Variants in RAPGEF2 observed in about 807,000 individuals in gnomAD.
The protein encoded by RAPGEF2 is Rap guanine nucleotide exchange factor 2, also known as PDZ domain containing guanine nucleotide exchange factor (GEF) 1.
In RAPGEF2, 54 loss-of-function variants were observed where a neutral mutation model predicts 186.7. The observed-to-expected ratio is 0.29, with a 90% CI of 0.23 to 0.36. The LOEUF (loss-of-function observed/expected upper bound fraction) is 0.36. Ranked by LOEUF, RAPGEF2 falls within the 10% of genes least tolerant of loss-of-function variation. The pLI is 1.00. For synonymous variants in RAPGEF2, 712 were observed against 705.9 expected (o/e 1.01, Z -0.14); for missense variants, 1,532 against 2,045.0 (o/e 0.75, Z 4.84).
intron 3 of RAPGEF2, among the ~76,000 whole-genome samples, chr4:159,199,233 G>A (rs982543859): frequency 2.6e-5 from 4 of 152,080 alleles, no homozygotes; most frequent in Admixed American, 6.6e-5. Flanking sequence ...AGATACTTAC[G>A]AAGGACTGTT....
intron 1 of RAPGEF2, among the ~76,000 whole-genome samples, chr4:159,106,827 A>T (rs557541501): frequency 1.4e-4 from 22 of 152,278 alleles, no homozygotes; most frequent in African/African-American, 5.1e-4. Context: ...TCCTGATGTC[A>T]TTGGTGTAAC....
chr4:159,121,888 T>A (rs1171387219), intron 1 of RAPGEF2, among the ~76,000 whole-genome samples: 1 of 140,046 alleles, frequency 7.1e-6, no homozygotes, highest in Non-Finnish European at 1.6e-5. Flanking sequence ...AAAAAAAAAA[T>A]TAGCCGGGCA....
intron 1 of RAPGEF2, among the ~76,000 whole-genome samples, chr4:159,176,728 G>A (rs1157577843): frequency 6.6e-6 from 1 of 152,192 alleles, no homozygotes; most frequent in Non-Finnish European, 1.5e-5. Flanking sequence ...AATGTGACCT[G>A]AAACTTGTGG....
At chr4:159,141,467 C>CA (rs1742324464) in intron 1 of RAPGEF2, among the ~76,000 whole-genome samples, 1 of 152,110 alleles carries the variant, frequency 6.6e-6, no homozygotes, top group Admixed American at 6.6e-5. Context: ...TGTCCCCTTA[C>CA]ACATAGTGCT....
chr4:159,166,324 T>C (rs1300258949), intron 1 of RAPGEF2, among the ~76,000 whole-genome samples: 1 of 151,092 alleles, frequency 6.6e-6, no homozygotes, highest in Non-Finnish European at 1.5e-5. Context: ...AAAAAAAAAA[T>C]GTAAGGAAAA....
Position 159,197,099 on chromosome 4 carries a change from C to T in RAPGEF2, c.197+3843C>T, listed in dbSNP as rs371988708. Among the ~76,000 whole-genome samples the T allele has an allele frequency of 7.9e-5, 12 of 152,286 alleles. No individual in the cohort carries two copies. The East Asian group carries it at 2.3e-3, about 29-fold the overall frequency. ...TGAGGCGGATAATATGAATTCCTCACCAGAGGGACCTTAACTTATATTTGT... is the reference window on the plus strand; with the variant it reads ...TGAGGCGGATAATATGAATTCCTCATCAGAGGGACCTTAACTTATATTTGT... On this transcript the variant is annotated intron_variant, in intron 3 of 29. Transcript: ENST00000691494.
chr4:159,356,068 C>G lies in RAPGEF2; in HGVS notation c.4867C>G (p.Pro1623Ala). The change falls in exon 29 of 30, where the codon CCT (proline) becomes GCT (alanine). Residue 1623 changes from proline to alanine, a missense_variant. Transcript: ENST00000691494. Reference sequence around the variant, plus strand: ...ACATGGGCATCCCACCAGCAGCAGGCCTGTGAACAAACCTCAGTGGCATAA... The same window carrying G: ...ACATGGGCATCCCACCAGCAGCAGGGCTGTGAACAAACCTCAGTGGCATAA... Reference protein sequence around the residue: ...QPHGHPTSSRPVNKPQWHKPN... With the variant: ...QPHGHPTSSRAVNKPQWHKPN... 5 of 1,614,174 alleles carry G rather than the reference C, an allele frequency of 3.1e-6. No homozygotes were observed. Among genetic ancestry groups the G allele is most frequent in the Non-Finnish European group, 4.2e-6 (5 of 1,180,032 alleles).
At position 159,359,869 on chromosome 4, in the gene RAPGEF2, A is replaced by C. The variant is rs1376993793; in HGVS notation, c.*1730A>C. ...ACCACAAGTTGCACAAATGTTATCT[A>C]AGCATTAAGTAATTGTAGAACATAG... On this transcript the variant is annotated 3_prime_UTR_variant, in exon 30 of 30. Coordinates refer to ENST00000691494, the MANE Select transcript of RAPGEF2 (RefSeq NM_001394067.2). 1.3e-5 allele frequency: 2 copies of C among 152,192 alleles called. No individual in the cohort carries two copies. The highest frequency in any genetic ancestry group is 2.9e-5 in the Non-Finnish European group (2 of 68,028). The allele number at this position is 152,192 out of a possible 1,614,324, so 9.4% of individuals were successfully genotyped here. A position where few individuals can be genotyped will look rare whatever the true frequency, so the allele number is the denominator to read the frequency against.
chr4:159,315,845 A>G (rs59423717), intron 9 of RAPGEF2, among the ~76,000 whole-genome samples: 1 of 152,172 alleles, frequency 6.6e-6, no homozygotes, highest in Non-Finnish European at 1.5e-5. Context: ...AGGATGGAAC[A>G]TGAAGACGGA....
intron 7 of RAPGEF2, chr4:159,268,302 G>A (rs1757682296): frequency 1.7e-6 from 2 of 1,178,846 alleles, no homozygotes; most frequent in Non-Finnish European, 2.5e-6. Context: ...TCTCTTCAGG[G>A]AAAACAGTTT....
rs1055322496 is a variant in RAPGEF2, at chr4:159,243,636, C to G, written c.526-138C>G. The stretch of plus-strand genomic sequence containing the variant: ...GCTAAATAACATGGGAAGCATTATA[C>G]ATATAGCTGATTCTATATGATCATT... On this transcript the variant is annotated intron_variant, in intron 6 of 29. Transcript: ENST00000691494. The G allele has an allele frequency of 2.1e-5, 11 of 513,322 alleles. No individual in the cohort carries two copies. The African/African-American group carries it at 2.2e-4, about 10-fold the overall frequency. The allele number at this position is 513,322 out of a possible 1,614,324, so 31.8% of individuals were successfully genotyped here. A position where few individuals can be genotyped will look rare whatever the true frequency, so the allele number is the denominator to read the frequency against.
intron 1 of RAPGEF2, among the ~76,000 whole-genome samples, chr4:159,160,083 C>T (rs1278051327): frequency 6.6e-6 from 1 of 152,178 alleles, no homozygotes; most frequent in Admixed American, 6.6e-5. Flanking sequence ...ATTATTTCAT[C>T]AAGAAGCTAT....
chr4:159,331,891 G>C (rs774965533), intron 15 of RAPGEF2, 35 bp from the exon 16 acceptor site: 30 of 1,581,874 alleles, frequency 1.9e-5, no homozygotes, highest in Middle Eastern at 3.4e-4. Flanking sequence ...TTTTTTTTCA[G>C]TCAATTTTGA....
At chr4:159,199,867 G>A (rs898114169) in intron 3 of RAPGEF2, among the ~76,000 whole-genome samples, 1 of 151,762 alleles carries the variant, frequency 6.6e-6, no homozygotes, top group East Asian at 1.9e-4. Context: ...CAGGTTTCTT[G>A]TGAAGATAAA....
intron 7 of RAPGEF2, among the ~76,000 whole-genome samples, chr4:159,254,107 G>A (rs138717283): frequency 2.4e-4 from 37 of 152,310 alleles, no homozygotes; most frequent in African/African-American, 7.9e-4. Flanking sequence ...GTATACTAAT[G>A]GGTGGAGATA....
chr4:159,250,263 A>G (rs1755149193), intron 7 of RAPGEF2, among the ~76,000 whole-genome samples: 1 of 152,148 alleles, frequency 6.6e-6, no homozygotes, highest in Non-Finnish European at 1.5e-5. Context: ...ACAAATCACC[A>G]CTAAAGAACT....
chr4:159,174,485 G>T (rs1049810009), intron 1 of RAPGEF2, among the ~76,000 whole-genome samples: 2 of 152,154 alleles, frequency 1.3e-5, no homozygotes, highest in African/African-American at 2.4e-5. Flanking sequence ...ATAAAAGAGT[G>T]TTTTGTTGTA....
chr4:159,251,544 C>T (rs764917960), intron 7 of RAPGEF2, among the ~76,000 whole-genome samples: 2 of 152,052 alleles, frequency 1.3e-5, no homozygotes, highest in South Asian at 2.1e-4. Context: ...TTATGTCTAG[C>T]GAGAGGATTG....
At chr4:159,202,666 A>T (rs1321108516) in intron 3 of RAPGEF2, among the ~76,000 whole-genome samples, 2 of 151,946 alleles carry the variant, frequency 1.3e-5, no homozygotes, top group African/African-American at 4.8e-5. Flanking sequence ...CAGTGGCATG[A>T]TCTTGGCCCA....
Sources: allele counts gnomAD v4.1 joint callset (sites outside exome capture counted in the v4.1 genomes callset), GRCh38; gene constraint gnomAD v4.1.1; transcripts MANE v1.5; gene names NCBI Gene and HGNC (gene_info 2026-07-23, HGNC 2026-07-21).